The following ROBO1 variants were observed in gnomAD, a reference collection of about 807,000 sequenced individuals.
The protein encoded by ROBO1 is roundabout homolog 1.
In ROBO1, 149 loss-of-function variants were observed where a neutral mutation model predicts 195.9. That is an observed-to-expected ratio of 0.76 (90% CI 0.67 to 0.87). The LOEUF (loss-of-function observed/expected upper bound fraction) is 0.87, where lower values mean the gene tolerates loss of function less well. ROBO1 is among the 40% of genes least tolerant of loss of function. ROBO1 has a pLI of 0.00. For synonymous variants in ROBO1, 816 were observed against 733.2 expected, an observed-to-expected ratio of 1.11 and a Z score of -1.82; for missense variants, 1,933 against 2,068.3, an observed-to-expected ratio of 0.93 and a Z score of 1.27.
In ROBO1 at chr3:78,617,757, C is replaced by T. The variant is rs778810093; in HGVS notation, c.4160G>A (p.Arg1387His). ...GCCGTCCGAAGAACTAACACTGGAG[C>T]GTCCGCTGGAAATGTTGTCCTCCTC... ...ASEEDNISSG[R>H]SSVSSSDGSF... Residue 1387 changes from arginine to histidine, a missense_variant, in exon 27 of 31, where the codon CGC becomes CAC. Coordinates refer to ENST00000464233, the MANE Select transcript of ROBO1 (RefSeq NM_002941.4). The T allele has an allele frequency of 3.1e-6, 5 of 1,613,926 alleles. No homozygotes were observed. The South Asian group carries it at 4.4e-5, about 14-fold the overall frequency.
chr3:79,013,912 T>G (rs1314372393), intron 3 of ROBO1, among the ~76,000 whole-genome samples: 2 of 152,236 alleles, frequency 1.3e-5, no homozygotes, highest in Non-Finnish European at 2.9e-5. Context: ...TATTTCCTTC[T>G]TTCACTTTAC....
intron 2 of ROBO1, among the ~76,000 whole-genome samples, chr3:79,442,069 T>G (rs1020481346): frequency 6.6e-6 from 1 of 152,300 alleles, no homozygotes; most frequent in African/African-American, 2.4e-5. Flanking sequence ...TCTCGGCTCC[T>G]CAATTCTTAT....
intron 4 of ROBO1, among the ~76,000 whole-genome samples, chr3:78,783,952 G>A (rs333496): frequency 0.96 from 146,579 of 152,226 alleles, 70,821 homozygotes; most frequent in East Asian, 1. Context: ...AAACATTATT[G>A]TGGCTCTATG....
At chr3:78,769,618 G>GTTTTTTTTTTTTTTTTTTTTTTTTTTT (rs34157314) in intron 4 of ROBO1, among the ~76,000 whole-genome samples, 3 of 84,006 alleles carry the variant, frequency 3.6e-5, no homozygotes, top group African/African-American at 5.0e-5. Context: ...GTGTACTTTG[G>GTTTTTTTTTTTTTTTTTTTTTTTTTTT]TTTTTTTTTT....
intron 2 of ROBO1, among the ~76,000 whole-genome samples, chr3:79,232,753 T>C (rs1178921312): frequency 2.0e-5 from 3 of 152,128 alleles, no homozygotes; most frequent in Admixed American, 1.3e-4. Flanking sequence ...ACAGAGCCAA[T>C]GCATCAGTCA....
intron 1 of ROBO1, among the ~76,000 whole-genome samples, chr3:79,591,077 C>G (rs1238217982): frequency 6.6e-6 from 1 of 151,608 alleles, no homozygotes; most frequent in Non-Finnish European, 1.5e-5. Context: ...CTTGGCAGTA[C>G]TTGACAAATT....
chr3:79,007,232 T>C (rs992277606), intron 3 of ROBO1, among the ~76,000 whole-genome samples: 3 of 152,200 alleles, frequency 2.0e-5, no homozygotes, highest in Admixed American at 1.3e-4. Context: ...TTGGGTAGCT[T>C]TGGAGGATAA....
intron 21 of ROBO1, among the ~76,000 whole-genome samples, chr3:78,645,919 A>G (rs542223041): frequency 1.5e-4 from 23 of 152,196 alleles, no homozygotes; most frequent in African/African-American, 5.5e-4. Flanking sequence ...TTTCTCAGTT[A>G]AAGTCCTCCC....
At chr3:79,093,988 A>G (rs1464165129) in intron 3 of ROBO1, among the ~76,000 whole-genome samples, 1 of 152,078 alleles carries the variant, frequency 6.6e-6, no homozygotes, top group Non-Finnish European at 1.5e-5. Context: ...AATGAAAGAG[A>G]GATGGGTCAC....
intron 12 of ROBO1, 45 bp from the exon 13 acceptor site, chr3:78,668,347 C>T (rs1166871013): frequency 6.2e-7 from 1 of 1,605,488 alleles, no homozygotes; most frequent in South Asian, 1.1e-5. Flanking sequence ...TTTACACATA[C>T]ACAGATAAGC....
chr3:79,039,142 C>T (rs940744033), intron 3 of ROBO1, among the ~76,000 whole-genome samples: 2 of 152,110 alleles, frequency 1.3e-5, no homozygotes, highest in African/African-American at 2.4e-5. Flanking sequence ...CTATATCTTT[C>T]GGTAAAGTTA....
At chr3:79,263,045 G>A (rs1186093661) in intron 2 of ROBO1, among the ~76,000 whole-genome samples, 1 of 151,938 alleles carries the variant, frequency 6.6e-6, no homozygotes, top group Non-Finnish European at 1.5e-5. Flanking sequence ...CCTCAACTTT[G>A]TCAAGCAATT....
intron 2 of ROBO1, among the ~76,000 whole-genome samples, chr3:79,379,898 A>G (rs1030726752): frequency 6.6e-6 from 1 of 152,180 alleles, no homozygotes; most frequent in Non-Finnish European, 1.5e-5. Context: ...TTTAGCAAGC[A>G]CTCAAGGTGA....
intron 3 of ROBO1, among the ~76,000 whole-genome samples, chr3:78,975,781 T>C (rs542039684): frequency 2.2e-4 from 33 of 152,280 alleles, no homozygotes; most frequent in Admixed American, 1.3e-3. Flanking sequence ...ACCTCTTCCA[T>C]AGCCCAAGGT....
At chr3:78,618,215 T>A (rs895888524) in intron 26 of ROBO1, among the ~76,000 whole-genome samples, 174 bp from the exon 27 acceptor site, 1 of 152,238 alleles carries the variant, frequency 6.6e-6, no homozygotes. Flanking sequence ...TATATTGAGT[T>A]GCACTTCGCA....
intron 2 of ROBO1, among the ~76,000 whole-genome samples, chr3:79,340,179 T>C (rs2034852282): frequency 6.6e-6 from 1 of 152,134 alleles, no homozygotes; most frequent in Non-Finnish European, 1.5e-5. Context: ...CTTATATAAA[T>C]TTGTCTCTCT....
intron 3 of ROBO1, among the ~76,000 whole-genome samples, chr3:79,062,879 G>A (rs2078944348): frequency 6.6e-6 from 1 of 151,960 alleles, no homozygotes; most frequent in Non-Finnish European, 1.5e-5. Flanking sequence ...AATACCTAAT[G>A]TAAATGACGA....
intron 4 of ROBO1, among the ~76,000 whole-genome samples, chr3:78,818,234 G>T (rs1279020251): frequency 6.6e-6 from 1 of 152,140 alleles, no homozygotes; most frequent in East Asian, 1.9e-4. Flanking sequence ...CTGAAGCCTG[G>T]CCCAGCCTGT....
At chr3:79,145,999 TA>T (rs2080640889) in intron 2 of ROBO1, among the ~76,000 whole-genome samples, 1 of 149,898 alleles carries the variant, frequency 6.7e-6, no homozygotes, top group African/African-American at 2.5e-5. Context: ...CCTTTGAGAA[TA>T]GTTCAAGTGG....
Sources: allele counts gnomAD v4.1 joint callset (sites outside exome capture counted in the v4.1 genomes callset), GRCh38; gene constraint gnomAD v4.1.1; transcripts MANE v1.5; gene names NCBI Gene and HGNC (gene_info 2026-07-23, HGNC 2026-07-21).